Variants in CTNNA1 observed in about 807,000 individuals in gnomAD.
CTNNA1 encodes catenin alpha-1.
In CTNNA1, 37 loss-of-function variants were observed where a neutral mutation model predicts 98.4. The ratio of observed to expected loss-of-function variants is 0.38; its 90% CI spans 0.29 to 0.49. CTNNA1 has a LOEUF of 0.49. CTNNA1 is among the 20% of genes least tolerant of loss of function. The probability of loss-of-function intolerance (pLI) is 0.95; values close to 1 mark genes in which losing one functional copy is unlikely to be tolerated. For missense variants in CTNNA1, 761 were observed against 1,147.2 expected, an observed-to-expected ratio of 0.66 and a Z score of 4.86; for synonymous variants, 404 against 413.2, an observed-to-expected ratio of 0.98 and a Z score of 0.27.
chr5:138,930,436 C>CT (rs772994534), intron 14 of CTNNA1, 37 bp from the exon 15 acceptor site: 4 of 1,527,554 alleles, frequency 2.6e-6, no homozygotes, highest in Non-Finnish European at 1.8e-6. Flanking sequence ...ACTTCATATT[C>CT]TTTTTATGTA....
chr5:138,780,508 T>A (rs1419522587), intron 1 of CTNNA1, among the ~76,000 whole-genome samples: 4 of 151,334 alleles, frequency 2.6e-5, no homozygotes, highest in East Asian at 1.9e-4. Context: ...TTTATTTTTT[T>A]AATTTTTATT....
chr5:138,809,308 G>A (rs1007415305), intron 3 of CTNNA1, among the ~76,000 whole-genome samples: 3 of 152,130 alleles, frequency 2.0e-5, no homozygotes, highest in African/African-American at 7.2e-5. Context: ...TAAAGAGGCC[G>A]TGTGTAACCC....
At chr5:138,860,004 G>T (rs566002893) in intron 7 of CTNNA1, among the ~76,000 whole-genome samples, 1 of 152,114 alleles carries the variant, frequency 6.6e-6, no homozygotes, top group Non-Finnish European at 1.5e-5. Context: ...TGTGGTGTGC[G>T]TGTGCATGCG....
At chr5:138,791,035 G>A (rs1038482930) in intron 3 of CTNNA1, 7 of 152,202 alleles carry the variant, frequency 4.6e-5, no homozygotes, top group African/African-American at 1.7e-4. Context: ...GCCAGAAGGT[G>A]AAGATAGAGT....
Position 138,758,373 on chromosome 5 carries a change from TTTTG to T in CTNNA1, c.-3+4874_-3+4877del, listed in dbSNP as rs1295779472. On this transcript the variant is annotated intron_variant, in intron 1 of 17. Coordinates refer to ENST00000302763, the MANE Select transcript of CTNNA1 (RefSeq NM_001903.5). ...CCTGCCACCACACCCGGCTAACTTT[TTTTG>T]TTTGTTTGTTGTTGTTGTTGAGACG... Among the ~76,000 whole-genome samples the T allele has an allele frequency of 3.3e-5, 5 of 150,722 alleles. No homozygotes were observed. In the East Asian group the frequency reaches 7.9e-4, roughly 24 times the overall value.
chr5:138,902,458 C>A (rs1758250863), intron 9 of CTNNA1, among the ~76,000 whole-genome samples: 1 of 152,174 alleles, frequency 6.6e-6, no homozygotes, highest in Non-Finnish European at 1.5e-5. Flanking sequence ...CTCGCTCTGT[C>A]GCCCAGGCTG....
intron 7 of CTNNA1, among the ~76,000 whole-genome samples, chr5:138,848,188 A>G (rs1762894246): frequency 6.6e-6 from 1 of 152,244 alleles, no homozygotes; most frequent in Non-Finnish European, 1.5e-5. Flanking sequence ...TGCACTGAGC[A>G]TGAAAAGTTA....
At chr5:138,763,226 A>G (rs890803261) in intron 1 of CTNNA1, among the ~76,000 whole-genome samples, 7 of 152,216 alleles carry the variant, frequency 4.6e-5, no homozygotes, top group African/African-American at 1.4e-4. Flanking sequence ...CTTGAAAATG[A>G]AAGTGCTGTT....
At chr5:138,760,599 C>T (rs1331987897) in intron 1 of CTNNA1, among the ~76,000 whole-genome samples, 1 of 152,166 alleles carries the variant, frequency 6.6e-6, no homozygotes, top group Non-Finnish European at 1.5e-5. Flanking sequence ...CTCCTGACCT[C>T]AAATGATTCA....
At position 138,924,700 on chromosome 5, in the gene CTNNA1, C is replaced by A; in HGVS notation, c.1737C>A (p.Leu579=). Residue 579 remains leucine (L), a synonymous_variant, in exon 12 of 18, where the codon CTC becomes CTA. Transcript: ENST00000302763. ...AGGTTCTGGAAGCCACTAAGCTGCT[C>A]TCCAACACAGGTACGGGAACTCTCC... ...TEKVLEATKL[L]SNTVMPRFTE... 6.4e-7 allele frequency: 1 copy of A among 1,574,558 alleles called. No homozygotes were observed. Among genetic ancestry groups the A allele is most frequent in the South Asian group, 1.2e-5 (1 of 86,094 alleles).
At chr5:138,838,788 TG>T (rs1330388980) in intron 7 of CTNNA1, among the ~76,000 whole-genome samples, 4 of 152,112 alleles carry the variant, frequency 2.6e-5, no homozygotes, top group African/African-American at 9.7e-5. Context: ...TTTATTTTTT[TG>T]TTGTTGTTTG....
At chr5:138,804,763 G>A (rs948741972) in intron 3 of CTNNA1, among the ~76,000 whole-genome samples, 2 of 152,026 alleles carry the variant, frequency 1.3e-5, no homozygotes, top group African/African-American at 2.4e-5. Context: ...CAGGTTTTTA[G>A]TTGTGTAGCT....
chr5:138,854,914 C>T (rs1173361805), intron 7 of CTNNA1, among the ~76,000 whole-genome samples: 1 of 152,140 alleles, frequency 6.6e-6, no homozygotes, highest in African/African-American at 2.4e-5. Context: ...TTTGAGTACC[C>T]ATTATAACCA....
intron 5 of CTNNA1, among the ~76,000 whole-genome samples, chr5:138,820,748 AG>A (rs77457440): frequency 6.6e-6 from 1 of 151,794 alleles, no homozygotes; most frequent in African/African-American, 2.4e-5. Context: ...TGTTGTTTTG[AG>A]GGGGGTGAAT....
At chr5:138,755,294 T>C (rs560360782) in intron 1 of CTNNA1, 1 of 152,272 alleles carries the variant, frequency 6.6e-6, no homozygotes, top group East Asian at 1.9e-4. Flanking sequence ...CAGAAAGGCT[T>C]TCAGGAGGTG....
rs1389258919 is a variant in CTNNA1, at chr5:138,812,059, C to T, written c.469-124C>T. On this transcript the variant is annotated intron_variant, in intron 4 of 17. Coordinates refer to ENST00000302763, the MANE Select transcript of CTNNA1 (RefSeq NM_001903.5). ...AATGTTAGAAGACCATGCGCAAACTCGAGAGCTAAGTTTGGGTTGCTTTTT... is the reference window on the plus strand; with the variant it reads ...AATGTTAGAAGACCATGCGCAAACTTGAGAGCTAAGTTTGGGTTGCTTTTT... 25 of 775,992 alleles carry T rather than the reference C, an allele frequency of 3.2e-5. No individual in the cohort carries two copies. In the Admixed American group the frequency reaches 5.5e-4, roughly 17 times the overall value. 48.1% of individuals were successfully genotyped at this position (775,992 alleles called of 1,614,324 possible).
rs1184787955 is a variant in CTNNA1, at chr5:138,804,886, A to G, written c.302-5152A>G. Among the ~76,000 whole-genome samples the G allele has an allele frequency of 3.3e-5, 5 of 152,262 alleles. No homozygotes were observed. The East Asian group carries it at 7.7e-4, about 23-fold the overall frequency. On this transcript the variant is annotated intron_variant, in intron 3 of 17. Transcript: ENST00000302763. Reference sequence around the variant, plus strand: ...TATTAGTCCGTTCTCACATAGCTATAAAGAAATACCTGAAACTGGGTAATT... The same window carrying G: ...TATTAGTCCGTTCTCACATAGCTATGAAGAAATACCTGAAACTGGGTAATT...
At chr5:138,915,877 C>G (rs1022689918) in intron 10 of CTNNA1, among the ~76,000 whole-genome samples, 1 of 152,066 alleles carries the variant, frequency 6.6e-6, no homozygotes, top group Non-Finnish European at 1.5e-5. Context: ...GGTGAAAACC[C>G]GTCTCTACTA....
At chr5:138,839,967 G>T (rs924907855) in intron 7 of CTNNA1, among the ~76,000 whole-genome samples, 1 of 152,216 alleles carries the variant, frequency 6.6e-6, no homozygotes, top group Non-Finnish European at 1.5e-5. Flanking sequence ...CCATAGAATA[G>T]AACTTGTTAA....
Sources: gnomAD v4.1 joint callset for allele counts (sites outside exome capture counted in the v4.1 genomes callset) on GRCh38, gnomAD v4.1.1 for gene constraint, MANE v1.5 for transcripts, NCBI Gene and HGNC (gene_info 2026-07-23, HGNC 2026-07-21) for gene names.